The following TTC19 variants were observed in gnomAD, a reference collection of about 807,000 sequenced individuals.
TTC19 encodes tetratricopeptide repeat protein 19, mitochondrial.
A neutral mutation model predicts 49.5 loss-of-function variants in TTC19; 38 were observed. The ratio of observed to expected loss-of-function variants is 0.77; its 90% CI spans 0.59 to 1.01. The LOEUF (loss-of-function observed/expected upper bound fraction) is 1.01. Among genes scored for constraint, TTC19 ranks in the 50% least tolerant of loss-of-function variants. The pLI is 0.00. For synonymous variants in TTC19, 204 were observed against 185.2 expected (o/e 1.10, Z -0.83); for missense variants, 475 against 477.7 (o/e 0.99, Z 0.05).
chr17:16,000,833 AC>A (rs1970705219), intron 2 of TTC19, among the ~76,000 whole-genome samples: 1 of 152,096 alleles, frequency 6.6e-6, no homozygotes, highest in South Asian at 2.1e-4. Context: ...CATGCCCAAA[AC>A]TAAACGATCT....
intron 7 of TTC19, among the ~76,000 whole-genome samples, chr17:16,019,723 C>T (rs1448180890): frequency 6.6e-6 from 1 of 152,098 alleles, no homozygotes; most frequent in Non-Finnish European, 1.5e-5. Flanking sequence ...TTGGGTTATT[C>T]TATATGTTTT....
chr17:16,036,361 G>A (rs1239783391), intron 2 of TTC19, among the ~76,000 whole-genome samples: 2 of 152,180 alleles, frequency 1.3e-5, no homozygotes, highest in African/African-American at 4.8e-5. Flanking sequence ...TAGAGCACAG[G>A]CGAGTAGACC....
intron 7 of TTC19, among the ~76,000 whole-genome samples, chr17:16,008,742 A>G (rs1412323967): frequency 6.6e-6 from 1 of 151,746 alleles, no homozygotes; most frequent in Admixed American, 6.6e-5. Context: ...TATTCCCCCT[A>G]CCTAGACTGT....
chr17:16,044,168 CAAAAAAAAA>C (rs34691717), intron 2 of TTC19, among the ~76,000 whole-genome samples: 6 of 82,796 alleles, frequency 7.2e-5, no homozygotes, highest in Admixed American at 1.5e-4. Context: ...GACTCCATCT[CAAAAAAAAA>C]AAAAAAAAAA....
At chr17:16,024,109 A>G (rs1971468068) in intron 7 of TTC19, 1 of 152,176 alleles carries the variant, frequency 6.6e-6, no homozygotes, top group Non-Finnish European at 1.5e-5. Context: ...CCAGGTTGAT[A>G]TAGGTTACCG....
rs776821583 is a variant in TTC19, at chr17:16,006,430, AAAG to A, written c.582-38_582-36del. On this transcript the variant is annotated intron_variant, in intron 6 of 9. Coordinates refer to ENST00000261647, the MANE Select transcript of TTC19 (RefSeq NM_017775.4). ...CATCTCAACAGAAGGAAGAAAAAAA[AAAG>A]AAGAAAAGGTAAATGGCTGATTATT... is the stretch of plus-strand genomic sequence containing the variant. 5.3e-5 allele frequency: 75 copies of A among 1,412,428 alleles called. No individual in the cohort carries two copies. The Admixed American group carries it at 8.5e-4, about 16-fold the overall frequency. The allele number at this position is 1,412,428 out of a possible 1,614,324, so 87.5% of individuals were successfully genotyped here. A position where few individuals can be genotyped will look rare whatever the true frequency, so the allele number is the denominator to read the frequency against.
chr17:16,033,629 A>T (rs138600260), downstream of TTC19, among the ~76,000 whole-genome samples: 1,390 of 143,876 alleles, frequency 9.7e-3, 26 homozygotes, highest in African/African-American at 0.035. Flanking sequence ...ATTCTCTGAA[A>T]CTCTAAAATT....
chr17:16,035,618 A>C (rs1974290677), intron 2 of TTC19, among the ~76,000 whole-genome samples: 1 of 146,908 alleles, frequency 6.8e-6, no homozygotes, highest in Admixed American at 7.0e-5. Context: ...TTACCAGCTC[A>C]CTAAAGCCTC....
rs73276085 is a variant in TTC19 at position 16,001,788 on chromosome 17, G to C, written c.313-127G>C. ...ATGCTTTGTACATAGTAGGAATTCA[G>C]TAAATGTCTGATGAATGAGTTAGCT... On this transcript the variant is annotated intron_variant, in intron 2 of 9. Coordinates refer to ENST00000261647, the MANE Select transcript of TTC19 (RefSeq NM_017775.4). 7,305 of 714,226 alleles carry C rather than the reference G, an allele frequency of 0.01. 371 individuals are homozygous for C. The African/African-American group carries it at 0.11, about 11-fold the overall frequency. The allele number at this position is 714,226 out of a possible 1,614,324, so 44.2% of individuals were successfully genotyped here.
In TTC19 at chr17:16,025,109, C is replaced by G; in HGVS notation, c.769C>G (p.Gln257Glu). The G allele has an allele frequency of 6.2e-7, 1 of 1,613,698 alleles. No homozygotes were observed. The highest frequency in any genetic ancestry group is 8.5e-7 in the Non-Finnish European group (1 of 1,179,858). The stretch of plus-strand genomic sequence containing the variant: ...GTTCTCCAAGCAGCCGTCACAGGCA[C>G]AAAGGATGTATGAAAAAGCTCTGCA... ...LLFSKQPSQA[Q>E]RMYEKALQIS... The change falls in exon 8 of 10, where the codon CAA becomes GAA. Residue 257 changes from glutamine to glutamate, a missense_variant. Coordinates refer to ENST00000261647, the MANE Select transcript of TTC19 (RefSeq NM_017775.4).
At chr17:16,013,282 A>C (rs910572069) in intron 7 of TTC19, among the ~76,000 whole-genome samples, 3 of 152,238 alleles carry the variant, frequency 2.0e-5, no homozygotes, top group African/African-American at 7.2e-5. Context: ...TAATCTTTTC[A>C]GAATTAGATC....
chr17:16,017,132 C>T lies in TTC19; in HGVS notation c.677-7885C>T, dbSNP rs376666232. Among the ~76,000 whole-genome samples the T allele has an allele frequency of 5.3e-5, 8 of 152,194 alleles. No individual in the cohort carries two copies. The East Asian group carries it at 5.8e-4, about 11-fold the overall frequency. ...TTTTCCCTATTTAAGGTATTTGTTA[C>T]GAATTCTAGTTTTATATTATCTACT... is the stretch of plus-strand genomic sequence containing the variant. On this transcript the variant is annotated intron_variant, in intron 7 of 9. Coordinates refer to ENST00000261647, the MANE Select transcript of TTC19 (RefSeq NM_017775.4).
At chr17:16,019,380 T>C (rs986826221) in intron 7 of TTC19, among the ~76,000 whole-genome samples, 1 of 152,250 alleles carries the variant, frequency 6.6e-6, no homozygotes, top group Non-Finnish European at 1.5e-5. Context: ...TTTTTAAACT[T>C]AATATGAATG....
chr17:16,028,134 A>C lies in TTC19; in HGVS notation c.*612A>C. 4.4e-6 allele frequency: 2 copies of C among 454,090 alleles called. No individual in the cohort carries two copies. The highest frequency in any genetic ancestry group is 3.1e-5 in the South Asian group (2 of 64,476). The allele number at this position is 454,090 out of a possible 1,614,324, so 28.1% of individuals were successfully genotyped here. A position where few individuals can be genotyped will look rare whatever the true frequency, so the allele number is the denominator to read the frequency against. ...ATAGCACCCATTTGAATTTAAATAA[A>C]AGTGAACCATATTTATCTGGTTATA... On this transcript the variant is annotated 3_prime_UTR_variant, in exon 10 of 10. Coordinates refer to ENST00000261647, the MANE Select transcript of TTC19 (RefSeq NM_017775.4).
rs1971513108 is a variant in TTC19 at position 16,025,234 on chromosome 17, A to C, written c.831+63A>C. 2.0e-6 allele frequency: 3 copies of C among 1,521,098 alleles called. No individual in the cohort carries two copies. The Admixed American group carries it at 5.5e-5, about 28-fold the overall frequency. The allele number at this position is 1,521,098 out of a possible 1,614,324, so 94.2% of individuals were successfully genotyped here. A position where few individuals can be genotyped will look rare whatever the true frequency, so the allele number is the denominator to read the frequency against. ...AAGGCTTCAAAATTGAAGGGTGTGA[A>C]ATGTCACACTCATTGGTAACAGGAT... On this transcript the variant is annotated intron_variant, in intron 8 of 9. Coordinates refer to ENST00000261647, the MANE Select transcript of TTC19 (RefSeq NM_017775.4).
intron 2 of TTC19, chr17:16,039,650 T>A: frequency 6.2e-7 from 1 of 1,613,264 alleles, no homozygotes; most frequent in South Asian, 1.1e-5. Flanking sequence ...TAGAGCTAAC[T>A]GAGCCTGAAA....
chr17:16,044,920 A>T, exon 3 of TTC19: 1 of 665,276 alleles, frequency 1.5e-6, no homozygotes, highest in South Asian at 1.5e-5. Context: ...GAAGAATCTG[A>T]GGAGTCTGAT....
intron 7 of TTC19, among the ~76,000 whole-genome samples, chr17:16,019,043 C>T (rs1971293857): frequency 6.6e-6 from 1 of 152,064 alleles, no homozygotes; most frequent in Non-Finnish European, 1.5e-5. Context: ...TATCAATAAA[C>T]AATATATTGC....
At chr17:16,040,898 GA>G (rs2057437577) in intron 2 of TTC19, 1 of 187,924 alleles carries the variant, frequency 5.3e-6, no homozygotes, top group Admixed American at 5.7e-5. Flanking sequence ...AATAAAAAAA[GA>G]AGCAGTGTAA....
Sources: allele counts gnomAD v4.1 joint callset (sites outside exome capture counted in the v4.1 genomes callset), GRCh38; gene constraint gnomAD v4.1.1; transcripts MANE v1.5; gene names NCBI Gene and HGNC (gene_info 2026-07-23, HGNC 2026-07-21).